The following RAB5C variants were observed in gnomAD, a reference collection of about 807,000 sequenced individuals.
The protein encoded by RAB5C is ras-related protein Rab-5C.
RAB5C carries 4 observed loss-of-function variants against 25.2 expected under a neutral mutation model. The observed-to-expected ratio is 0.16, with a 90% CI of 0.08 to 0.36. The LOEUF (loss-of-function observed/expected upper bound fraction) is 0.36. Among genes scored for constraint, RAB5C ranks in the 10% least tolerant of loss-of-function variants. The probability of loss-of-function intolerance (pLI) is 1.00; values close to 1 mark genes in which losing one functional copy is unlikely to be tolerated. For missense variants in RAB5C, 199 were observed against 283.8 expected (o/e 0.70, Z 2.15); for synonymous variants, 100 against 106.4 (o/e 0.94, Z 0.37).
At chr17:42,152,579 G>C (rs1006338533) in intron 1 of RAB5C, among the ~76,000 whole-genome samples, 7 of 152,076 alleles carry the variant, frequency 4.6e-5, no homozygotes, top group African/African-American at 1.7e-4. Flanking sequence ...AGGAGTTCGA[G>C]ACCAGCCTGG....
chr17:42,131,612 T>G (rs1351324301), intron 1 of RAB5C: 1 of 1,534,272 alleles, frequency 6.5e-7, no homozygotes, highest in Non-Finnish European at 8.7e-7. Context: ...GAGACCTCAG[T>G]TCCATTCTCT....
In RAB5C at chr17:42,126,803, T is replaced by C. The variant is rs1425637283; in HGVS notation, c.487A>G (p.Thr163Ala). The C allele has an allele frequency of 6.2e-7, 1 of 1,613,598 alleles. No individual in the cohort carries two copies. The highest frequency in any genetic ancestry group is 8.5e-7 in the Non-Finnish European group (1 of 1,179,580). Residue 163 changes from threonine (T) to alanine (A), a missense_variant, in exon 5 of 6, where the codon ACA (threonine) becomes GCA (alanine). Around this residue, in one of 3 missense-constraint regions of RAB5C, gnomAD observed 154 missense variants for 199.6 expected, o/e 0.77. Transcript: ENST00000346213. ...ADDNSLLFME[T>A]SAKTAMNVNE... ...ACGTTCATTGCAGTCTTTGCTGATG[T>C]CTCCATGAACAGCAAACTGTTGTCG...
At chr17:42,147,460 C>T (rs923368675) in intron 1 of RAB5C, among the ~76,000 whole-genome samples, 14 of 152,228 alleles carry the variant, frequency 9.2e-5, no homozygotes, top group Non-Finnish European at 1.5e-4. Context: ...TGCAGAAGCA[C>T]GGTCGTTCTG....
intron 3 of RAB5C, 98 bp downstream of exon 3, chr17:42,128,551 C>G (rs1373533790): frequency 9.2e-6 from 6 of 649,628 alleles, no homozygotes; most frequent in Non-Finnish European, 1.4e-5. Flanking sequence ...CACCCAGGAA[C>G]AGAGGGTTAA....
chr17:42,152,919 C>T (rs143138343), intron 1 of RAB5C, among the ~76,000 whole-genome samples: 120 of 152,334 alleles, frequency 7.9e-4, no homozygotes, highest in African/African-American at 2.8e-3. Flanking sequence ...TCCTGAAGAC[C>T]TAAGTCTGGT....
At chr17:42,136,541 G>A (rs1319303333) in intron 1 of RAB5C, 1 of 152,228 alleles carries the variant, frequency 6.6e-6, no homozygotes, top group Non-Finnish European at 1.5e-5. Context: ...AGTCACACAA[G>A]TGATCATTAT....
At chr17:42,139,820 G>C (rs2054574606) in intron 1 of RAB5C, among the ~76,000 whole-genome samples, 1 of 152,196 alleles carries the variant, frequency 6.6e-6, no homozygotes, top group Non-Finnish European at 1.5e-5. Context: ...CACAGGGCTT[G>C]TTAGGGATGA....
chr17:42,135,691 C>A (rs868727884), intron 1 of RAB5C, among the ~76,000 whole-genome samples: 1 of 152,212 alleles, frequency 6.6e-6, no homozygotes, highest in African/African-American at 2.4e-5. Context: ...CTAGATGCTG[C>A]TGCAATTCCT....
In RAB5C at chr17:42,130,450, T is replaced by C. The variant is rs1272525960; in HGVS notation, c.53A>G (p.Lys18Arg). The change falls in exon 2 of 6, where the codon AAG (lysine) becomes AGG (arginine). Residue 18 changes from lysine (K) to arginine (R), a missense_variant. Physicochemically the swap from Lys to Arg is conservative, Grantham distance 26 (BLOSUM62 2). Around this residue, in one of 3 missense-constraint regions of RAB5C, gnomAD observed 24 missense variants for 64.0 expected, o/e 0.38. Transcript: ENST00000346213. ...ARPNGPAAGN[K>R]ICQFKLVLLG... ...CAGAACCAGCTTAAATTGACAGATC[T>C]TGTTCCCAGCAGCTGGTCCATTGGG... The C allele has an allele frequency of 6.2e-7, 1 of 1,614,064 alleles. No individual in the cohort carries two copies. The highest frequency in any genetic ancestry group is 8.5e-7 in the Non-Finnish European group (1 of 1,180,030).
At chr17:42,143,456 G>C (rs2079614241) in intron 1 of RAB5C, among the ~76,000 whole-genome samples, 1 of 152,134 alleles carries the variant, frequency 6.6e-6, no homozygotes, top group Non-Finnish European at 1.5e-5. Context: ...GGCCAACATG[G>C]TGAAACCTCG....
intron 2 of RAB5C, 25 bp from the exon 3 acceptor site, chr17:42,128,825 G>C: frequency 6.9e-7 from 1 of 1,439,482 alleles, no homozygotes; most frequent in Non-Finnish European, 9.2e-7. Flanking sequence ...GAGCGTCCAT[G>C]GGCAAGAGCG....
rs555604551 is a variant in RAB5C at position 42,154,192 on chromosome 17, TG to T, written c.-89+700del. On this transcript the variant is annotated intron_variant, in intron 1 of 5. Coordinates refer to ENST00000346213, the MANE Select transcript of RAB5C (RefSeq NM_004583.4). ...GGCACATCCACCCTGATCTGTGATCTGTAGCTAGGATTGAGCAAACCTCAGC... is the reference window on the plus strand; with the variant it reads ...GGCACATCCACCCTGATCTGTGATCTTAGCTAGGATTGAGCAAACCTCAGC... 3.4e-3 allele frequency among the ~76,000 whole-genome samples: 520 copies of T among 152,296 alleles called. 3 individuals carry two copies. The highest frequency in any genetic ancestry group is 0.012 in the African/African-American group (492 of 41,572).
chr17:42,125,575 CTT>C lies in RAB5C; in HGVS notation c.*206_*207del, dbSNP rs1196081786. The C allele has an allele frequency of 1.9e-6, 1 of 540,150 alleles. No homozygotes were observed. The highest frequency in any genetic ancestry group is 1.9e-5 in the African/African-American group (1 of 52,192). 33.5% of individuals were successfully genotyped at this position (540,150 alleles called of 1,614,324 possible). A position where few individuals can be genotyped will look rare whatever the true frequency, so the allele number is the denominator to read the frequency against. On this transcript the variant is annotated 3_prime_UTR_variant, in exon 6 of 6. Transcript: ENST00000346213. Reference sequence around the variant, plus strand: ...TATATATTAAAAAAGTGACTTAAGACTTAAAATTGAATTAGTATTTGTACAGA... The same window carrying C: ...TATATATTAAAAAAGTGACTTAAGACAAAATTGAATTAGTATTTGTACAGA...
At chr17:42,152,446 G>A (rs149074536) in intron 1 of RAB5C, among the ~76,000 whole-genome samples, 1 of 152,154 alleles carries the variant, frequency 6.6e-6, no homozygotes, top group East Asian at 1.9e-4. Flanking sequence ...AAAGCACTGG[G>A]GCCTGCCTCG....
At chr17:42,154,586 C>T in intron 1 of RAB5C, 1 of 152,254 alleles carries the variant, frequency 6.6e-6, no homozygotes, top group Non-Finnish European at 1.5e-5. Context: ...TTCCTTCACA[C>T]CTAGCAAAGA....
chr17:42,136,389 G>C (rs956339915), intron 1 of RAB5C: 11 of 151,446 alleles, frequency 7.3e-5, no homozygotes, highest in African/African-American at 2.7e-4. Context: ...GAGGAAAGAA[G>C]AATCTGAAGC....
chr17:42,152,860 T>G (rs1211437744), intron 1 of RAB5C, among the ~76,000 whole-genome samples: 4 of 151,832 alleles, frequency 2.6e-5, no homozygotes, highest in African/African-American at 4.8e-5. Context: ...CTCAGAAGGC[T>G]GGTCGGCCTC....
At chr17:42,140,220 C>A (rs1261930672) in intron 1 of RAB5C, among the ~76,000 whole-genome samples, 3 of 152,078 alleles carry the variant, frequency 2.0e-5, no homozygotes, top group African/African-American at 4.8e-5. Context: ...CCCGCCCTTA[C>A]AAATAACAGA....
chr17:42,149,876 G>GT (rs925280473), intron 1 of RAB5C, among the ~76,000 whole-genome samples: 12,656 of 121,110 alleles, frequency 0.1, 1,109 homozygotes, highest in East Asian at 0.36. Flanking sequence ...GCCCAGGCTG[G>GT]TTTTTTTTTT....
Sources: gnomAD v4.1 joint callset for allele counts (sites outside exome capture counted in the v4.1 genomes callset) on GRCh38, gnomAD v4.1.1 for gene constraint, gnomAD v4.1.1 regional missense constraint, MANE v1.5 for transcripts, NCBI Gene and HGNC (gene_info 2026-07-23, HGNC 2026-07-21) for gene names.